Variants in SRBD1 observed in about 807,000 individuals in gnomAD.
SRBD1 encodes S1 RNA-binding domain-containing protein 1.
A neutral mutation model predicts 115.3 loss-of-function variants in SRBD1; 88 were observed. That is an observed-to-expected ratio of 0.76 (90% CI 0.64 to 0.91). The LOEUF is 0.91. Ranked by LOEUF, SRBD1 falls within the 40% of genes least tolerant of loss-of-function variation. SRBD1 has a pLI of 0.00. For missense variants in SRBD1, 1,385 were observed against 1,177.4 expected (o/e 1.18, Z -2.58); for synonymous variants, 509 against 407.7 (o/e 1.25, Z -2.99).
chr2:45,511,578 G>A (rs1435180423), intron 14 of SRBD1, among the ~76,000 whole-genome samples: 1 of 152,152 alleles, frequency 6.6e-6, no homozygotes, highest in African/African-American at 2.4e-5. Flanking sequence ...CTAAGTTTAC[G>A]GTTTGGCAAA....
rs182607964 is a variant in SRBD1 at position 45,491,329 on chromosome 2, C to G, written c.1875-2998G>C. On this transcript the variant is annotated intron_variant, in intron 14 of 20. Transcript: ENST00000263736. ...TCTAACGATTTAATATTACATTTCA[C>G]AAAACAAATTTCTCAGCAGTACAAA... 5.3e-4 allele frequency among the ~76,000 whole-genome samples: 80 copies of G among 152,210 alleles called. 1 individual carries two copies. The East Asian group carries it at 0.014, about 27-fold the overall frequency.
intron 16 of SRBD1, among the ~76,000 whole-genome samples, chr2:45,424,265 C>G (rs973788229): frequency 6.6e-6 from 1 of 152,112 alleles, no homozygotes; most frequent in African/African-American, 2.4e-5. Flanking sequence ...TCCCAATGAT[C>G]CTCAAATCCT....
At chr2:45,460,632 T>G (rs1407685822) in intron 16 of SRBD1, among the ~76,000 whole-genome samples, 1 of 152,176 alleles carries the variant, frequency 6.6e-6, no homozygotes. Context: ...GTAACAGACT[T>G]TTCAAAACCA....
chr2:45,563,717 C>T (rs1235760617), intron 9 of SRBD1, among the ~76,000 whole-genome samples: 1 of 151,970 alleles, frequency 6.6e-6, no homozygotes, highest in Non-Finnish European at 1.5e-5. Flanking sequence ...TGGACAAATT[C>T]CTAAAAGATA....
chr2:45,569,358 C>G (rs542229471), intron 9 of SRBD1: 1 of 152,116 alleles, frequency 6.6e-6, no homozygotes, highest in Non-Finnish European at 1.5e-5. Flanking sequence ...GTGGGGTCAC[C>G]ATATTGATAC....
intron 14 of SRBD1, among the ~76,000 whole-genome samples, chr2:45,513,906 T>C (rs1671046305): frequency 6.6e-6 from 1 of 152,140 alleles, no homozygotes; most frequent in Non-Finnish European, 1.5e-5. Flanking sequence ...ATAGCTACCA[T>C]ATTAAAACAA....
intron 15 of SRBD1, among the ~76,000 whole-genome samples, chr2:45,484,106 A>C (rs970103879): frequency 6.6e-6 from 1 of 151,900 alleles, no homozygotes; most frequent in Non-Finnish European, 1.5e-5. Context: ...ATTTCCTCCA[A>C]GTAGCTTTTT....
At chr2:45,526,215 T>A (rs1313034088) in intron 14 of SRBD1, among the ~76,000 whole-genome samples, 1 of 152,090 alleles carries the variant, frequency 6.6e-6, no homozygotes, top group Non-Finnish European at 1.5e-5. Flanking sequence ...GTCAATCGAC[T>A]AATAAATGGA....
Position 45,529,475 on chromosome 2 carries a change from G to C in SRBD1, c.1874+17257C>G, listed in dbSNP as rs556468642. ...ACCAAAAACCTTGAATGAGAAAAAT[G>C]TCAAGTCCAAAATCCGAAAATTTGA... On this transcript the variant is annotated intron_variant, in intron 14 of 20. Coordinates refer to ENST00000263736, the MANE Select transcript of SRBD1 (RefSeq NM_018079.5). Among the ~76,000 whole-genome samples, 26 of 151,864 alleles carry C rather than the reference G, an allele frequency of 1.7e-4. No individual in the cohort carries two copies. The East Asian group carries it at 5.0e-3, about 29-fold the overall frequency.
At chr2:45,531,195 T>C (rs929131263) in intron 14 of SRBD1, among the ~76,000 whole-genome samples, 1 of 151,798 alleles carries the variant, frequency 6.6e-6, no homozygotes, top group African/African-American at 2.4e-5. Context: ...TGGTTTCTTA[T>C]CCTTTACAGG....
intron 14 of SRBD1, among the ~76,000 whole-genome samples, chr2:45,537,425 G>A (rs934789508): frequency 2.6e-5 from 4 of 152,130 alleles, no homozygotes; most frequent in African/African-American, 9.7e-5. Flanking sequence ...TTCAAGAGGG[G>A]TAGGGACTTT....
At chr2:45,502,599 C>T (rs1323913282) in intron 14 of SRBD1, among the ~76,000 whole-genome samples, 1 of 150,996 alleles carries the variant, frequency 6.6e-6, no homozygotes, top group East Asian at 2.0e-4. Context: ...CCATACACCG[C>T]ATGTTCTCAC....
intron 10 of SRBD1, among the ~76,000 whole-genome samples, chr2:45,561,830 A>C (rs964272294): frequency 2.0e-5 from 3 of 152,226 alleles, no homozygotes; most frequent in Non-Finnish European, 2.9e-5. Context: ...ACATTTCCTT[A>C]AAATATCTAA....
rs556998904 is a variant in SRBD1 at position 45,488,681 on chromosome 2, T to A, written c.1875-350A>T. 2.0e-5 allele frequency among the ~76,000 whole-genome samples: 3 copies of A among 152,346 alleles called. No homozygotes were observed. In the East Asian group the frequency reaches 5.8e-4, roughly 29 times the overall value. The stretch of plus-strand genomic sequence containing the variant: ...TATTCAGAATGCACATAGCCTCTCC[T>A]GTATTTATAATTCATTATTGACTGA... On this transcript the variant is annotated intron_variant, in intron 14 of 20. Coordinates refer to ENST00000263736, the MANE Select transcript of SRBD1 (RefSeq NM_018079.5).
At position 45,551,131 on chromosome 2, in the gene SRBD1, G is replaced by A. The variant is rs191218188; in HGVS notation, c.1669C>T (p.Pro557Ser). ...AAATTGCAAGACAACTTACTAGTAG[G>A]AGAAATTATAGCTAATTTGCAACCA... Reference protein sequence around the residue: ...KHGCKLAIISPTSQILHTDVV... With the variant: ...KHGCKLAIISSTSQILHTDVV... Residue 557 changes from proline to serine, a missense_variant, in exon 12 of 21, where the codon CCT becomes TCT. By Grantham distance (74) the Pro-to-Ser change is moderately conservative. Transcript: ENST00000263736. 5.7e-6 allele frequency: 9 copies of A among 1,592,088 alleles called. No homozygotes were observed. In the South Asian group the frequency reaches 5.8e-5, roughly 10 times the overall value.
At chr2:45,577,299 G>C (rs530875167) in intron 7 of SRBD1, among the ~76,000 whole-genome samples, 1 of 152,326 alleles carries the variant, frequency 6.6e-6, no homozygotes, top group East Asian at 1.9e-4. Flanking sequence ...AATAGATCTT[G>C]TGGGTTTAAT....
chr2:45,390,757 C>A (rs1666973927), intron 20 of SRBD1, among the ~76,000 whole-genome samples: 1 of 152,168 alleles, frequency 6.6e-6, no homozygotes, highest in Non-Finnish European at 1.5e-5. Flanking sequence ...TCCCTTCCCC[C>A]AGTCCAACCA....
intron 4 of SRBD1, among the ~76,000 whole-genome samples, chr2:45,592,085 CA>C (rs1401951092): frequency 6.6e-6 from 1 of 152,134 alleles, no homozygotes; most frequent in Non-Finnish European, 1.5e-5. Flanking sequence ...ATGGGTTTAT[CA>C]GGGGTTTCCA....
chr2:45,591,327 T>C (rs1673718071), intron 4 of SRBD1, among the ~76,000 whole-genome samples: 2 of 152,180 alleles, frequency 1.3e-5, no homozygotes, highest in African/African-American at 4.8e-5. Flanking sequence ...TGATTTCATC[T>C]CTGACCTAAC....
Sources: gnomAD v4.1 joint callset for allele counts (sites outside exome capture counted in the v4.1 genomes callset) on GRCh38, gnomAD v4.1.1 for gene constraint, MANE v1.5 for transcripts, NCBI Gene and HGNC (gene_info 2026-07-23, HGNC 2026-07-21) for gene names.